Variants in MMP9 observed in about 807,000 individuals in gnomAD.
MMP9 encodes matrix metallopeptidase 9, also known as matrix metalloproteinase-9.
In MMP9, 73 loss-of-function variants were observed where a neutral mutation model predicts 76.4. The observed-to-expected ratio is 0.96, with a 90% CI of 0.79 to 1.16. The LOEUF is 1.16. MMP9 is among the 50% of genes most tolerant of loss of function. The pLI is 0.00. For missense variants in MMP9, 943 were observed against 973.0 expected (o/e 0.97, Z 0.41); for synonymous variants, 412 against 408.4 (o/e 1.01, Z -0.11).
rs1488602462 is a variant in MMP9 at position 46,012,154 on chromosome 20, G to A, written c.1015G>A (p.Gly339Arg). 1 of 1,613,962 alleles carries A rather than the reference G, an allele frequency of 6.2e-7. No homozygotes were observed. Among genetic ancestry groups the A allele is most frequent in the Non-Finnish European group, 8.5e-7 (1 of 1,180,036 alleles). The change falls in exon 7 of 13, where the codon GGG becomes AGG. Residue 339 changes from glycine to arginine, a missense_variant. Coordinates refer to ENST00000372330, the MANE Select transcript of MMP9 (RefSeq NM_004994.3). Reference protein sequence around the residue: ...CPTRADSTVMGGNSAGELCVF... With the variant: ...CPTRADSTVMRGNSAGELCVF... The stretch of plus-strand genomic sequence containing the variant: ...CTCTCCAGCTGACTCGACGGTGATG[G>A]GGGGCAACTCGGCGGGGGAGCTGTG...
Position 46,013,771 on chromosome 20 carries a change from C to G in MMP9, c.1725C>G (p.Leu575=), listed in dbSNP as rs770714851. 6 of 1,613,112 alleles carry G rather than the reference C, an allele frequency of 3.7e-6. No individual in the cohort carries two copies. The highest frequency in any genetic ancestry group is 1.7e-5 in the Admixed American group (1 of 60,012). The change falls in exon 10 of 13, where the codon CTC becomes CTG. Residue 575 remains leucine (L), a synonymous_variant. Transcript: ENST00000372330. This position sits in a 1 kb window ranked among gnomAD's most constrained non-coding sequence, Gnocchi z 4.5. ...RKLDSVFEER[L]SKKLFFFSGR... ...TGGACTCGGTCTTTGAGGAGCGGCT[C>G]TCCAAGAAGCTTTTCTTCTTCTCTG... is the stretch of plus-strand genomic sequence containing the variant.
At position 46,010,959 on chromosome 20, in the gene MMP9, G is replaced by GCTCCTGGCACACGCCTTTC. The variant is rs762420363; in HGVS notation, c.567_585dup (p.Pro196ThrfsTer18). 1 of 1,614,206 alleles carries GCTCCTGGCACACGCCTTTC rather than the reference G, an allele frequency of 6.2e-7. No individual in the cohort carries two copies. Among genetic ancestry groups the GCTCCTGGCACACGCCTTTC allele is most frequent in the East Asian group, 2.2e-5 (1 of 44,884 alleles). On this transcript the variant is annotated frameshift_variant, in exon 4 of 13. Coordinates refer to ENST00000372330, the MANE Select transcript of MMP9 (RefSeq NM_004994.3). LOFTEE classifies it high-confidence loss of function. Reference sequence around the variant, plus strand: ...GGTATCCCTTCGACGGGAAGGACGGGCTCCTGGCACACGCCTTTCCTCCTG... The same window carrying GCTCCTGGCACACGCCTTTC: ...GGTATCCCTTCGACGGGAAGGACGGGCTCCTGGCACACGCCTTTCCTCCTGGCACACGCCTTTCCTCCTG...
chr20:46,014,062 G>C lies in MMP9; in HGVS notation c.1751-62G>C, dbSNP rs1051581168. ...AGGCCTCGCCGGAATCTCCCTCCTCGCGTTCTAGGAGTACGTGCTCCCTCT... is the reference window on the plus strand; with the variant it reads ...AGGCCTCGCCGGAATCTCCCTCCTCCCGTTCTAGGAGTACGTGCTCCCTCT... On this transcript the variant is annotated intron_variant, in intron 10 of 12. Transcript: ENST00000372330. The C allele has an allele frequency of 2.7e-5, 41 of 1,530,500 alleles. No individual in the cohort carries two copies. The East Asian group carries it at 4.7e-4, about 17-fold the overall frequency. 94.8% of individuals were successfully genotyped at this position (1,530,500 alleles called of 1,614,324 possible). A position where few individuals can be genotyped will look rare whatever the true frequency, so the allele number is the denominator to read the frequency against.
rs796972949 is a variant in MMP9, at chr20:46,010,333, A to AAAAAAAAAAAAAC, written c.372-142_372-141insAAAACAAAAAAAA. 8.4e-6 allele frequency: 7 copies of AAAAAAAAAAAAAC among 828,810 alleles called. No homozygotes were observed. In the African/African-American group the frequency reaches 1.3e-4, roughly 15 times the overall value. The allele number at this position is 828,810 out of a possible 1,614,324, so 51.3% of individuals were successfully genotyped here. On this transcript the variant is annotated intron_variant, in intron 2 of 12. Coordinates refer to ENST00000372330, the MANE Select transcript of MMP9 (RefSeq NM_004994.3). Reference sequence around the variant, plus strand: ...GGGTCTAAGTAGACAAAAAAAAAAAAAAAAAAAACAGTCTGGAAGCAATTT... The same window carrying AAAAAAAAAAAAAC: ...GGGTCTAAGTAGACAAAAAAAAAAAAAAAAAAAAAAAACAAAAAAAACAGTCTGGAAGCAATTT...
chr20:46,011,110 C>G (rs748406213), intron 4 of MMP9, 33 bp from the exon 5 acceptor site: 1 of 1,613,986 alleles, frequency 6.2e-7, no homozygotes. Context: ...TCATCACCCG[C>G]CGCCCTAACT....
At chr20:46,011,501 A>C in intron 5 of MMP9, 73 bp from the exon 6 acceptor site, 1 of 1,597,992 alleles carries the variant, frequency 6.3e-7, no homozygotes, top group Non-Finnish European at 8.6e-7. Flanking sequence ...TGGGTCAAAG[A>C]ACAGGACACA....
At position 46,012,468 on chromosome 20, in the gene MMP9, G is replaced by C; in HGVS notation, c.1216G>C (p.Ala406Pro). 2 of 1,614,170 alleles carry C rather than the reference G, an allele frequency of 1.2e-6. No homozygotes were observed. The highest frequency in any genetic ancestry group is 8.5e-7 in the Non-Finnish European group (1 of 1,180,012). ...FLVAAHEFGH[A>P]LGLDHSSVPE... ...CGTGGCGGCGCATGAGTTCGGCCAC[G>C]CGCTGGGCTTAGATCATTCCTCAGT... The change falls in exon 8 of 13, where the codon GCG becomes CCG. Residue 406 changes from alanine to proline, a missense_variant. Coordinates refer to ENST00000372330, the MANE Select transcript of MMP9 (RefSeq NM_004994.3).
intron 1 of MMP9, 29 bp downstream of exon 1, chr20:46,009,093 G>A (rs2084260093): frequency 6.2e-7 from 1 of 1,610,548 alleles, no homozygotes; most frequent in Admixed American, 1.7e-5. Context: ...TAGAGTTGGG[G>A]AGGGCTGTCC....
In MMP9 at chr20:46,013,856, G is replaced by A; in HGVS notation, c.1750+60G>A. The A allele has an allele frequency of 6.2e-7, 1 of 1,604,606 alleles. No individual in the cohort carries two copies. The highest frequency in any genetic ancestry group is 8.5e-7 in the Non-Finnish European group (1 of 1,175,516). On this transcript the variant is annotated intron_variant, in intron 10 of 12. Transcript: ENST00000372330. The surrounding 1 kb of genome is among the most constrained non-coding windows in gnomAD (Gnocchi z 4.5). ...ATCCCCATCAGTCAAGGAGGCTCAAGAGACCATCGATAACCCACGAAACGT... is the reference window on the plus strand; with the variant it reads ...ATCCCCATCAGTCAAGGAGGCTCAAAAGACCATCGATAACCCACGAAACGT...
rs755036890 is a variant in MMP9, at chr20:46,008,920, C to T, written c.-7C>T. 1.1e-5 allele frequency: 17 copies of T among 1,612,852 alleles called. No individual in the cohort carries two copies. Among genetic ancestry groups the T allele is most frequent in the African/African-American group, 1.3e-5 (1 of 74,874 alleles). On this transcript the variant is annotated 5_prime_UTR_variant, in exon 1 of 13. Transcript: ENST00000372330. ...AGCAGCTGCAGTCAGACACCTCTGC[C>T]CTCACCATGAGCCTCTGGCAGCCCC...
Position 46,014,461 on chromosome 20 carries a change from C to T in MMP9, c.1992C>T (p.Val664=). 6.4e-7 allele frequency: 1 copy of T among 1,550,472 alleles called. No homozygotes were observed. The highest frequency in any genetic ancestry group is 8.7e-7 in the Non-Finnish European group (1 of 1,146,990). The change falls in exon 12 of 13, where the codon GTC becomes GTT. Residue 664 remains valine, a synonymous_variant. Transcript: ENST00000372330. The part of the protein sequence containing the change: ...FPGVPLDTHD[V]FQYREKAYFC... ...GGGTGCCTTTGGACACGCACGACGTCTTCCAGTACCGAGGTGAGGGCTGAG... is the reference window on the plus strand; with the variant it reads ...GGGTGCCTTTGGACACGCACGACGTTTTCCAGTACCGAGGTGAGGGCTGAG...
intron 11 of MMP9, 24 bp downstream of exon 11, chr20:46,014,298 C>T: frequency 2.0e-6 from 3 of 1,532,766 alleles, no homozygotes; most frequent in Non-Finnish European, 2.6e-6. Context: ...CGGCCGCCGG[C>T]AGGGGGAGCC....
At position 46,011,308 on chromosome 20, in the gene MMP9, C is replaced by A; in HGVS notation, c.815C>A (p.Pro272His). ...YDTDDRFGFC[P>H]SERLYTQDGN... is the part of the protein sequence containing the mutation. Reference sequence around the variant, plus strand: ...ACCGACGACCGGTTTGGCTTCTGCCCCAGCGAGAGTGAGTGAGGGGGCTCG... The same window carrying A: ...ACCGACGACCGGTTTGGCTTCTGCCACAGCGAGAGTGAGTGAGGGGGCTCG... The change falls in exon 5 of 13, where the codon CCC becomes CAC. Residue 272 changes from proline (P) to histidine (H), a missense_variant. Transcript: ENST00000372330. 1 of 1,604,144 alleles carries A rather than the reference C, an allele frequency of 6.2e-7. No individual in the cohort carries two copies. The highest frequency in any genetic ancestry group is 8.5e-7 in the Non-Finnish European group (1 of 1,177,958).
At chr20:46,010,434 G>A in intron 2 of MMP9, 49 bp from the exon 3 acceptor site, 1 of 1,602,368 alleles carries the variant, frequency 6.2e-7, no homozygotes, top group African/African-American at 1.3e-5. Flanking sequence ...CTGCTGCCCC[G>A]CTCCAGCCTT....
chr20:46,014,398 T>TC lies in MMP9; in HGVS notation c.1933dup (p.Arg645ProfsTer43). The TC allele has an allele frequency of 6.5e-7, 1 of 1,549,472 alleles. No homozygotes were observed. The highest frequency in any genetic ancestry group is 1.7e-4 in the Middle Eastern group (1 of 5,990). ...TCGACGTGAAGGCGCAGATGGTGGA[T>TC]CCCCGGAGCGCCAGCGAGGTGGACC... On this transcript the variant is annotated frameshift_variant, in exon 12 of 13. Transcript: ENST00000372330. LOFTEE classifies it high-confidence loss of function.
In MMP9 at chr20:46,012,232, G is replaced by A. The variant is rs1432808686; in HGVS notation, c.1093G>A (p.Gly365Ser). ...GKEYSTCTSE[G>S]RGDGRLWCAT... ...GGAGTACTCGACCTGTACCAGCGAG[G>A]GCCGCGGAGATGGGCGCCTCTGGTG... The change falls in exon 7 of 13, where the codon GGC becomes AGC. Residue 365 changes from glycine (G) to serine (S), a missense_variant. Physicochemically the swap from Gly to Ser is moderately conservative, Grantham distance 56. Coordinates refer to ENST00000372330, the MANE Select transcript of MMP9 (RefSeq NM_004994.3). The A allele has an allele frequency of 6.2e-7, 1 of 1,614,096 alleles. No individual in the cohort carries two copies. Among genetic ancestry groups the A allele is most frequent in the East Asian group, 2.2e-5 (1 of 44,882 alleles).
rs1261497562 is a variant in MMP9 at position 46,013,069 on chromosome 20, C to T, written c.1331-186C>T. 6.6e-6 allele frequency among the ~76,000 whole-genome samples: 1 copy of T among 152,078 alleles called. No homozygotes were observed. Among genetic ancestry groups the T allele is most frequent in the Non-Finnish European group, 1.5e-5 (1 of 68,038 alleles). ...TTGCACCACTGCATTCCATCCTGGG[C>T]CATAGAGGATGTCGCTTAAAACGAA... On this transcript the variant is annotated intron_variant, in intron 8 of 12. Coordinates refer to ENST00000372330, the MANE Select transcript of MMP9 (RefSeq NM_004994.3). The surrounding 1 kb of genome is among the most constrained non-coding windows in gnomAD (Gnocchi z 4.5).
In MMP9 at chr20:46,013,361, G is replaced by A. The variant is rs1426957877; in HGVS notation, c.1437G>A (p.Glu479=). The A allele has an allele frequency of 3.1e-6, 5 of 1,612,182 alleles. No homozygotes were observed. Among genetic ancestry groups the A allele is most frequent in the Non-Finnish European group, 4.2e-6 (5 of 1,179,340 alleles). ...PTGPPTVHPS[E]RPTAGPTGPP... is the part of the protein sequence containing the mutation. ...GACCCCCCACTGTCCACCCCTCAGAGCGCCCCACAGCTGGCCCCACAGGTC... is the reference window on the plus strand; with the variant it reads ...GACCCCCCACTGTCCACCCCTCAGAACGCCCCACAGCTGGCCCCACAGGTC... The change falls in exon 9 of 13, where the codon GAG becomes GAA. Residue 479 remains glutamate, a synonymous_variant. Coordinates refer to ENST00000372330, the MANE Select transcript of MMP9 (RefSeq NM_004994.3). The surrounding 1 kb of genome is among the most constrained non-coding windows in gnomAD (Gnocchi z 4.5).
intron 2 of MMP9, 53 bp from the exon 3 acceptor site, chr20:46,010,430 C>A: frequency 6.2e-7 from 1 of 1,603,448 alleles, no homozygotes; most frequent in South Asian, 1.1e-5. Context: ...GTCCCTGCTG[C>A]CCCGCTCCAG....
Sources: allele counts gnomAD v4.1 joint callset (sites outside exome capture counted in the v4.1 genomes callset), GRCh38; gene constraint gnomAD v4.1.1; non-coding constraint Gnocchi (gnomAD v3.1); transcripts MANE v1.5; gene names NCBI Gene and HGNC (gene_info 2026-07-23, HGNC 2026-07-21).